The following EML5 variants were observed in gnomAD, a reference collection of about 807,000 sequenced individuals.
The protein encoded by EML5 is echinoderm microtubule-associated protein-like 5.
Under a neutral mutation model 250.0 loss-of-function variants are expected in EML5, and 120 were observed. The observed-to-expected ratio is 0.48, with a 90% CI of 0.41 to 0.56. EML5 has a LOEUF of 0.56. Ranked by LOEUF, EML5 falls within the 20% of genes least tolerant of loss-of-function variation. The probability of loss-of-function intolerance (pLI) is 0.00; values close to 1 mark genes in which losing one functional copy is unlikely to be tolerated. For synonymous variants in EML5, 771 were observed against 806.5 expected, an observed-to-expected ratio of 0.96 and a Z score of 0.75; for missense variants, 2,006 against 2,437.6, an observed-to-expected ratio of 0.82 and a Z score of 3.73.
intron 28 of EML5, among the ~76,000 whole-genome samples, chr14:88,648,326 T>C (rs891256703): frequency 2.6e-5 from 4 of 152,154 alleles, no homozygotes; most frequent in African/African-American, 9.7e-5. Context: ...TTTAGTTTTC[T>C]TGTTTTGAAA....
Position 88,678,486 on chromosome 14 carries a change from G to A in EML5, c.3124+3404C>T, listed in dbSNP as rs146347580. Among the ~76,000 whole-genome samples, 496 of 152,088 alleles carry A rather than the reference G, an allele frequency of 3.3e-3. 5 individuals are homozygous for A. Among genetic ancestry groups the A allele is most frequent in the African/African-American group, 0.011 (470 of 41,488 alleles). ...ATTTTAAAGCCACATCTGCCCTAAC[G>A]GCATAGCAGACTAGTCTTGCACCTG... On this transcript the variant is annotated intron_variant, in intron 21 of 43. Transcript: ENST00000554922.
intron 36 of EML5, 85 bp from the exon 37 acceptor site, chr14:88,622,803 A>ATT: frequency 1.3e-6 from 1 of 791,074 alleles, no homozygotes; most frequent in Non-Finnish European, 1.7e-6. Context: ...TATAAGCAGA[A>ATT]TCTTTTTTTT....
At chr14:88,634,538 G>A in intron 32 of EML5, 49 bp from the exon 33 acceptor site, 1 of 1,118,774 alleles carries the variant, frequency 8.9e-7, no homozygotes, top group Non-Finnish European at 1.2e-6. Flanking sequence ...TGTAAAATCT[G>A]TAAAAACCCA....
At chr14:88,751,239 A>C (rs1245839713) in intron 2 of EML5, among the ~76,000 whole-genome samples, 2 of 152,202 alleles carry the variant, frequency 1.3e-5, no homozygotes, top group Non-Finnish European at 2.9e-5. Flanking sequence ...TTTTTACTTT[A>C]TCATTTCTTT....
chr14:88,792,641 C>A lies in EML5; in HGVS notation c.-138G>T. 8.7e-7 allele frequency: 1 copy of A among 1,153,768 alleles called. No homozygotes were observed. The highest frequency in any genetic ancestry group is 1.1e-6 in the Non-Finnish European group (1 of 938,930). The allele number at this position is 1,153,768 out of a possible 1,614,324, so 71.5% of individuals were successfully genotyped here. The stretch of plus-strand genomic sequence containing the variant: ...TCCTCTAAGCCGCGCCCGTCAGGTG[C>A]ATCTCGTTTCGGGGGCCGCCGCCGC... On this transcript the variant is annotated 5_prime_UTR_variant, in exon 1 of 44. The change abolishes an upstream ATG in the 5' untranslated region. Transcript: ENST00000554922. The surrounding 1 kb of genome is among the most constrained non-coding windows in gnomAD (Gnocchi z 6.9).
intron 7 of EML5, among the ~76,000 whole-genome samples, chr14:88,731,530 C>T (rs1218045689): frequency 7.9e-5 from 12 of 152,206 alleles, no homozygotes; most frequent in Non-Finnish European, 1.2e-4. Context: ...AATAAACATA[C>T]GTGTGCATGT....
At chr14:88,696,603 T>C (rs1208162910) in intron 15 of EML5, among the ~76,000 whole-genome samples, 8 of 152,188 alleles carry the variant, frequency 5.3e-5, no homozygotes, top group African/African-American at 1.7e-4. Context: ...ATAAACATTT[T>C]TATGTTAACA....
intron 1 of EML5, among the ~76,000 whole-genome samples, chr14:88,789,058 C>T (rs1356162170): frequency 5.3e-5 from 8 of 151,072 alleles, no homozygotes; most frequent in Admixed American, 4.6e-4. Context: ...GAGCAAGGGC[C>T]TGTCTCAGTT....
At chr14:88,661,588 G>A (rs2092103217) in intron 25 of EML5, 66 bp downstream of exon 25, 2 of 1,401,378 alleles carry the variant, frequency 1.4e-6, no homozygotes, top group African/African-American at 2.9e-5. Context: ...GAAGTGCTAT[G>A]ACAGGACATT....
chr14:88,646,118 C>A (rs2091335850), intron 29 of EML5, among the ~76,000 whole-genome samples: 1 of 152,036 alleles, frequency 6.6e-6, no homozygotes, highest in African/African-American at 2.4e-5. Context: ...GGAAATAATA[C>A]AAATTAACCT....
In EML5 at chr14:88,640,939, C is replaced by A. The variant is rs116665117; in HGVS notation, c.4237+1954G>T. ...ACTATTATGAACACCTCTAAATACACAAACTAGAAGATCTAGAGGCTATGA... is the reference window on the plus strand; with the variant it reads ...ACTATTATGAACACCTCTAAATACAAAAACTAGAAGATCTAGAGGCTATGA... On this transcript the variant is annotated intron_variant, in intron 31 of 43. Coordinates refer to ENST00000554922, the MANE Select transcript of EML5 (RefSeq NM_183387.3). Among the ~76,000 whole-genome samples, 712 of 151,924 alleles carry A rather than the reference C, an allele frequency of 4.7e-3. 13 individuals are homozygous for A. The highest frequency in any genetic ancestry group is 0.016 in the African/African-American group (647 of 41,436).
At chr14:88,639,498 T>G (rs1036677037) in intron 31 of EML5, among the ~76,000 whole-genome samples, 4 of 152,192 alleles carry the variant, frequency 2.6e-5, no homozygotes, top group African/African-American at 9.7e-5. Context: ...CAGAAACCAG[T>G]AGTAATTTTC....
At chr14:88,760,864 G>A (rs980801065) in intron 1 of EML5, among the ~76,000 whole-genome samples, 8 of 151,984 alleles carry the variant, frequency 5.3e-5, no homozygotes, top group Non-Finnish European at 7.4e-5. Context: ...ATATAACATA[G>A]ACCTTGCATA....
chr14:88,728,434 CACAA>C (rs1207683496), intron 7 of EML5, among the ~76,000 whole-genome samples: 1 of 152,172 alleles, frequency 6.6e-6, no homozygotes, highest in East Asian at 1.9e-4. Flanking sequence ...TTATCAATAA[CACAA>C]ACAGTTGTTT....
At chr14:88,728,254 G>T (rs1029119011) in intron 7 of EML5, among the ~76,000 whole-genome samples, 1 of 151,280 alleles carries the variant, frequency 6.6e-6, no homozygotes, top group Non-Finnish European at 1.5e-5. Flanking sequence ...CTATTTACAC[G>T]GCACTTACAC....
intron 1 of EML5, among the ~76,000 whole-genome samples, chr14:88,785,205 CAG>C (rs769242580): frequency 2.0e-5 from 3 of 151,968 alleles, no homozygotes; most frequent in African/African-American, 4.8e-5. Flanking sequence ...GTGGAGGACT[CAG>C]GGGGAAGTGG....
At chr14:88,669,479 G>A (rs1320172537) in intron 21 of EML5, among the ~76,000 whole-genome samples, 1 of 152,178 alleles carries the variant, frequency 6.6e-6, no homozygotes, top group Non-Finnish European at 1.5e-5. Flanking sequence ...GCAGATGGTG[G>A]CCAGACTGCC....
intron 33 of EML5, among the ~76,000 whole-genome samples, chr14:88,628,927 TTATCA>T (rs1351879565): frequency 6.6e-6 from 1 of 152,006 alleles, no homozygotes; most frequent in African/African-American, 2.4e-5. Context: ...ACATAAAAGT[TTATCA>T]TATAATAAAA....
At chr14:88,634,372 A>G in intron 33 of EML5, 97 bp downstream of exon 33, 2 of 753,346 alleles carry the variant, frequency 2.7e-6, no homozygotes, top group Admixed American at 7.4e-5. Context: ...CTTTAATAGT[A>G]ATGCAAGAAC....
Sources: gnomAD v4.1 joint callset for allele counts (sites outside exome capture counted in the v4.1 genomes callset) on GRCh38, gnomAD v4.1.1 for gene constraint, Gnocchi (gnomAD v3.1) non-coding constraint, MANE v1.5 for transcripts, NCBI Gene and HGNC (gene_info 2026-07-23, HGNC 2026-07-21) for gene names.